The following WWC1 variants were observed in gnomAD, a reference collection of about 807,000 sequenced individuals.
WWC1 encodes protein KIBRA.
WWC1 carries 55 observed loss-of-function variants against 138.4 expected under a neutral mutation model. The observed-to-expected ratio is 0.40, with a 90% CI of 0.32 to 0.50. The LOEUF is 0.50. Among genes scored for constraint, WWC1 ranks in the 20% least tolerant of loss-of-function variants. WWC1 has a pLI of 0.72. For missense variants in WWC1, 1,226 were observed against 1,420.4 expected (o/e 0.86, Z 2.20); for synonymous variants, 524 against 564.9 (o/e 0.93, Z 1.03).
chr5:168,337,203 C>G (rs1773552593), intron 1 of WWC1, among the ~76,000 whole-genome samples: 1 of 152,168 alleles, frequency 6.6e-6, no homozygotes, highest in South Asian at 2.1e-4. Context: ...TAACTCTCTC[C>G]CCACTCCCAC....
chr5:168,459,365 C>T (rs909232114), intron 19 of WWC1, among the ~76,000 whole-genome samples: 1 of 152,130 alleles, frequency 6.6e-6, no homozygotes, highest in Admixed American at 6.6e-5. Flanking sequence ...CACCCTTCCA[C>T]CTGCACATTA....
At position 168,414,427 on chromosome 5, in the gene WWC1, C is replaced by A. The variant is rs1017934147; in HGVS notation, c.1021C>A (p.Leu341Met). 3.1e-6 allele frequency: 5 copies of A among 1,596,686 alleles called. No homozygotes were observed. The highest frequency in any genetic ancestry group is 4.3e-6 in the Non-Finnish European group (5 of 1,171,152). The change falls in exon 9 of 23, where the codon CTG becomes ATG. Residue 341 changes from leucine (L) to methionine (M), a missense_variant. Physicochemically the swap from Leu to Met is conservative, Grantham distance 15. Transcript: ENST00000265293. Reference sequence around the variant, plus strand: ...GGTGCTGGACTCAGAGAGGGACCGGCTGATCCTTATCAACGAGAAGGAGGA... The same window carrying A: ...GGTGCTGGACTCAGAGAGGGACCGGATGATCCTTATCAACGAGAAGGAGGA... ...PGVLDSERDR[L>M]ILINEKEELL...
At chr5:168,364,840 G>A (rs1235547533) in intron 1 of WWC1, among the ~76,000 whole-genome samples, 1 of 152,126 alleles carries the variant, frequency 6.6e-6, no homozygotes, top group African/African-American at 2.4e-5. Context: ...CTCTGAAATG[G>A]CCCTCTTGAT....
chr5:168,353,906 A>G (rs557133136), intron 1 of WWC1, among the ~76,000 whole-genome samples: 1 of 152,282 alleles, frequency 6.6e-6, no homozygotes, highest in South Asian at 2.1e-4. Flanking sequence ...ATTCCTCCAT[A>G]TACATGATCA....
At chr5:168,444,862 TA>T (rs56691330) in intron 17 of WWC1, among the ~76,000 whole-genome samples, 186 of 144,788 alleles carry the variant, frequency 1.3e-3, no homozygotes, top group Non-Finnish European at 2.0e-3. Flanking sequence ...TTTATTTTGC[TA>T]AAAAAAAAAA....
Position 168,469,288 on chromosome 5 carries a change from T to A in WWC1, c.*271T>A. On this transcript the variant is annotated 3_prime_UTR_variant, in exon 23 of 23. Transcript: ENST00000265293. Reference sequence around the variant, plus strand: ...ATAGTTTGTATATTTAGGAGTGTATTTTTGGGAAAGAAAATTTAAATGAAC... The same window carrying A: ...ATAGTTTGTATATTTAGGAGTGTATATTTGGGAAAGAAAATTTAAATGAAC... The A allele has an allele frequency of 2.3e-6, 1 of 425,736 alleles. No individual in the cohort carries two copies. The highest frequency in any genetic ancestry group is 4.2e-6 in the Non-Finnish European group (1 of 236,796). The allele number at this position is 425,736 out of a possible 1,614,324, so 26.4% of individuals were successfully genotyped here.
At chr5:168,367,623 C>T (rs958244301) in intron 1 of WWC1, among the ~76,000 whole-genome samples, 1 of 152,168 alleles carries the variant, frequency 6.6e-6, no homozygotes, top group Non-Finnish European at 1.5e-5. Flanking sequence ...CTGGCCCAGT[C>T]TTGTTAATTT....
intron 1 of WWC1, among the ~76,000 whole-genome samples, chr5:168,318,993 A>G (rs1771839877): frequency 6.6e-6 from 1 of 152,350 alleles, no homozygotes; most frequent in African/African-American, 2.4e-5. Flanking sequence ...TATACATACA[A>G]TGTGTTGCAA....
At chr5:168,373,618 A>C (rs1160636866) in intron 2 of WWC1, among the ~76,000 whole-genome samples, 2 of 149,200 alleles carry the variant, frequency 1.3e-5, no homozygotes, top group African/African-American at 4.9e-5. Context: ...GCATGTTTGC[A>C]TGTGTCTATA....
chr5:168,424,586 A>G (rs1169460592), intron 11 of WWC1, among the ~76,000 whole-genome samples: 1 of 152,224 alleles, frequency 6.6e-6, no homozygotes, highest in Non-Finnish European at 1.5e-5. Context: ...AGAAGATGAC[A>G]TTTGAGGGTG....
chr5:168,471,855 C>T lies in WWC1; in HGVS notation c.*2838C>T, dbSNP rs1043277176. 1 of 152,280 alleles carries T rather than the reference C, an allele frequency of 6.6e-6. No individual in the cohort carries two copies. The highest frequency in any genetic ancestry group is 1.9e-4 in the East Asian group (1 of 5,208). 9.4% of individuals were successfully genotyped at this position (152,280 alleles called of 1,614,324 possible). On this transcript the variant is annotated 3_prime_UTR_variant, in exon 23 of 23. Transcript: ENST00000265293. ...GACAGAATGGGGGTGTCCTGGGGAT[C>T]TTGGAGCCTGAATTCATTGGCACAA...
At chr5:168,322,470 A>G (rs1386199864) in intron 1 of WWC1, among the ~76,000 whole-genome samples, 2 of 152,168 alleles carry the variant, frequency 1.3e-5, no homozygotes, top group Non-Finnish European at 2.9e-5. Context: ...CAGGCAATGG[A>G]TAGATTTGAC....
At chr5:168,334,848 G>C (rs748981916) in intron 1 of WWC1, among the ~76,000 whole-genome samples, 1 of 152,234 alleles carries the variant, frequency 6.6e-6, no homozygotes, top group Non-Finnish European at 1.5e-5. Flanking sequence ...GCGCCTGAGC[G>C]CCTGGAGCCC....
At chr5:168,312,496 G>A (rs1254878896) in intron 1 of WWC1, among the ~76,000 whole-genome samples, 2 of 152,226 alleles carry the variant, frequency 1.3e-5, no homozygotes, top group African/African-American at 4.8e-5. Context: ...GTTGTTGTGA[G>A]AATTAAGCAT....
At chr5:168,396,340 GCCACTGC>G (rs1778903749) in intron 3 of WWC1, among the ~76,000 whole-genome samples, 1 of 151,982 alleles carries the variant, frequency 6.6e-6, no homozygotes, top group Admixed American at 6.6e-5. Context: ...CCAAGACTGT[GCCACTGC>G]ACTGCAGCCT....
chr5:168,302,835 A>G (rs1428404881), intron 1 of WWC1, among the ~76,000 whole-genome samples: 1 of 152,220 alleles, frequency 6.6e-6, no homozygotes, highest in Non-Finnish European at 1.5e-5. Context: ...GGGGTTCAGC[A>G]GGGATTAAAC....
chr5:168,433,555 T>A (rs1001313866), intron 15 of WWC1, among the ~76,000 whole-genome samples: 4 of 152,180 alleles, frequency 2.6e-5, no homozygotes, highest in Non-Finnish European at 1.5e-5. Context: ...CTGTTTTTTT[T>A]ATTTTAGACT....
chr5:168,451,841 G>A (rs1027246565), intron 17 of WWC1, among the ~76,000 whole-genome samples: 1 of 150,970 alleles, frequency 6.6e-6, no homozygotes, highest in Non-Finnish European at 1.5e-5. Context: ...AGAACTCTTA[G>A]AACATTGCTC....
chr5:168,339,950 CCT>C (rs1773882112), intron 1 of WWC1, among the ~76,000 whole-genome samples: 1 of 108,738 alleles, frequency 9.2e-6, no homozygotes, highest in African/African-American at 4.1e-5. Context: ...TCTCTCTCCC[CCT>C]CTCCCTCTCT....
Sources: allele counts gnomAD v4.1 joint callset (sites outside exome capture counted in the v4.1 genomes callset), GRCh38; gene constraint gnomAD v4.1.1; transcripts MANE v1.5; gene names NCBI Gene and HGNC (gene_info 2026-07-23, HGNC 2026-07-21).